Variants in CDH18 observed in about 807,000 individuals in gnomAD.
CDH18 encodes cadherin 18.
A neutral mutation model predicts 67.9 loss-of-function variants in CDH18; 31 were observed. The ratio of observed to expected loss-of-function variants is 0.46; its 90% CI spans 0.34 to 0.62. CDH18 has a LOEUF of 0.62. CDH18 is among the 20% of genes least tolerant of loss of function. CDH18 has a pLI of 0.01. For missense variants in CDH18, 890 were observed against 975.5 expected (o/e 0.91, Z 1.17); for synonymous variants, 362 against 347.2 (o/e 1.04, Z -0.48).
intron 5 of CDH18, among the ~76,000 whole-genome samples, chr5:19,716,894 CTG>C (rs1228334721): frequency 6.6e-6 from 1 of 151,866 alleles, no homozygotes; most frequent in Non-Finnish European, 1.5e-5. Context: ...TATGTAAAGA[CTG>C]TATGAAAAAT....
At chr5:20,352,362 T>C (rs1181238837) in intron 1 of CDH18, among the ~76,000 whole-genome samples, 2 of 152,044 alleles carry the variant, frequency 1.3e-5, no homozygotes, top group Non-Finnish European at 2.9e-5. Flanking sequence ...ATACAGTTAT[T>C]CTGGGGGGAA....
chr5:20,505,824 T>G (rs930719802), intron 1 of CDH18, among the ~76,000 whole-genome samples: 2 of 152,140 alleles, frequency 1.3e-5, no homozygotes, highest in Non-Finnish European at 2.9e-5. Flanking sequence ...AATAATCAGG[T>G]TATCTGCCCT....
intron 1 of CDH18, among the ~76,000 whole-genome samples, chr5:20,526,877 G>C (rs946641643): frequency 2.0e-5 from 3 of 152,038 alleles, no homozygotes; most frequent in Non-Finnish European, 2.9e-5. Flanking sequence ...TCCTCCAAAT[G>C]ATTGCAACAC....
chr5:19,850,344 A>G (rs1314354407), intron 2 of CDH18, among the ~76,000 whole-genome samples: 1 of 151,922 alleles, frequency 6.6e-6, no homozygotes, highest in East Asian at 1.9e-4. Flanking sequence ...CTAGTATACA[A>G]TCTTAAAATT....
intron 8 of CDH18, among the ~76,000 whole-genome samples, chr5:19,551,494 G>A (rs1008926799): frequency 4.6e-5 from 7 of 152,074 alleles, no homozygotes; most frequent in African/African-American, 1.7e-4. Context: ...TAGTCTCTCT[G>A]AGCTGTCTCC....
intron 9 of CDH18, among the ~76,000 whole-genome samples, chr5:19,528,772 C>A (rs946361421): frequency 6.6e-6 from 1 of 151,934 alleles, no homozygotes; most frequent in Non-Finnish European, 1.5e-5. Flanking sequence ...ATAAAATTAC[C>A]TGAGATTTTA....
rs187024997 is a variant in CDH18 at position 19,948,898 on chromosome 5, T to G, written c.-257+32162A>C. ...GAGTTTGCTCAAGAACTCAAGCAAG[T>G]TAAGGAAAGCTAGTGTATTAGGAAA... is the stretch of plus-strand genomic sequence containing the variant. On this transcript the variant is annotated intron_variant, in intron 2 of 12. Coordinates refer to ENST00000382275, the MANE Select transcript of CDH18 (RefSeq NM_004934.5). Among the ~76,000 whole-genome samples the G allele has an allele frequency of 7.4e-4, 112 of 152,260 alleles. 1 individual carries two copies. The highest frequency in any genetic ancestry group is 2.5e-3 in the African/African-American group (102 of 41,560).
At chr5:19,734,542 AT>A (rs1768043971) in intron 4 of CDH18, among the ~76,000 whole-genome samples, 2 of 152,184 alleles carry the variant, frequency 1.3e-5, no homozygotes, top group Admixed American at 6.5e-5. Flanking sequence ...GAATAAAAAT[AT>A]TTTTTCTCGG....
chr5:20,390,400 C>T (rs1744739365), intron 1 of CDH18, among the ~76,000 whole-genome samples: 1 of 152,180 alleles, frequency 6.6e-6, no homozygotes, highest in African/African-American at 2.4e-5. Context: ...CTCATCATCA[C>T]TGGCCATCAA....
intron 1 of CDH18, among the ~76,000 whole-genome samples, chr5:20,491,658 A>G (rs542521244): frequency 1.3e-5 from 2 of 152,322 alleles, no homozygotes; most frequent in African/African-American, 4.8e-5. Context: ...CAAGGAGATC[A>G]GGATTTTGTA....
intron 10 of CDH18, among the ~76,000 whole-genome samples, chr5:19,515,422 A>G (rs551856188): frequency 7.9e-5 from 12 of 151,668 alleles, no homozygotes; most frequent in African/African-American, 2.9e-4. Flanking sequence ...CATTGAATCT[A>G]TAAATTACCT....
chr5:19,667,458 C>A (rs1192999982), intron 5 of CDH18, among the ~76,000 whole-genome samples: 2 of 148,456 alleles, frequency 1.3e-5, no homozygotes, highest in Admixed American at 6.8e-5. Flanking sequence ...TAATTAATTT[C>A]ATGAGACTTA....
Position 19,471,546 on chromosome 5 carries a change from T to C in CDH18, c.*1680A>G, listed in dbSNP as rs1156715363. ...AAAAACTCCGGTGTCAACTAATTCC[T>C]ATTTCATGTATTTAAGAATTTCAAT... On this transcript the variant is annotated 3_prime_UTR_variant, in exon 13 of 13. Coordinates refer to ENST00000382275, the MANE Select transcript of CDH18 (RefSeq NM_004934.5). Among the ~76,000 whole-genome samples, 1 of 152,166 alleles carries C rather than the reference T, an allele frequency of 6.6e-6. No homozygotes were observed. The highest frequency in any genetic ancestry group is 1.5e-5 in the Non-Finnish European group (1 of 68,032).
At chr5:20,189,818 T>G (rs1005666502) in intron 2 of CDH18, among the ~76,000 whole-genome samples, 5 of 152,172 alleles carry the variant, frequency 3.3e-5, no homozygotes, top group Admixed American at 3.3e-4. Flanking sequence ...GTGTCAACTA[T>G]GCCAGTTATT....
rs1554106552 is a variant in CDH18 at position 20,241,905 on chromosome 5, T to TAA, written c.-518+13538_-518+13539insTT. ...ATATATATATATGTATATATATATATATATTGCTTAGTCAGAGGCACTGTG... is the reference window on the plus strand; with the variant it reads ...ATATATATATATGTATATATATATATAAATATTGCTTAGTCAGAGGCACTGTG... On this transcript the variant is annotated intron_variant, in intron 2 of 14. Coordinates refer to the CDH18 transcript ENST00000507958. Among the ~76,000 whole-genome samples, 1,104 of 140,786 alleles carry TAA rather than the reference T, an allele frequency of 7.8e-3. 14 individuals are homozygous for TAA. Among genetic ancestry groups the TAA allele is most frequent in the African/African-American group, 0.028 (995 of 35,350 alleles). The allele number at this position is 140,786 out of a possible 152,430, so 92.4% of individuals were successfully genotyped here. A position where few individuals can be genotyped will look rare whatever the true frequency, so the allele number is the denominator to read the frequency against.
intron 5 of CDH18, among the ~76,000 whole-genome samples, chr5:19,673,430 T>C (rs761129993): frequency 2.0e-5 from 3 of 152,044 alleles, no homozygotes; most frequent in Non-Finnish European, 4.4e-5. Context: ...CCAGACTTTA[T>C]CTGATTTTAA....
chr5:19,742,009 G>A (rs946960249), intron 4 of CDH18, among the ~76,000 whole-genome samples: 6 of 152,070 alleles, frequency 3.9e-5, no homozygotes, highest in African/African-American at 1.5e-4. Flanking sequence ...TAGATAATGG[G>A]TGAAATTACA....
chr5:20,449,867 C>G (rs541279697), intron 1 of CDH18, among the ~76,000 whole-genome samples: 1 of 151,846 alleles, frequency 6.6e-6, no homozygotes, highest in Non-Finnish European at 1.5e-5. Context: ...AATGAGTAAA[C>G]GTTGATAATT....
intron 2 of CDH18, among the ~76,000 whole-genome samples, chr5:20,166,115 C>T (rs1347250609): frequency 6.6e-6 from 1 of 151,978 alleles, no homozygotes; most frequent in African/African-American, 2.4e-5. Context: ...TTTTATTATA[C>T]TCCTTTACTT....
Sources: gnomAD v4.1 joint callset for allele counts (sites outside exome capture counted in the v4.1 genomes callset) on GRCh38, gnomAD v4.1.1 for gene constraint, MANE v1.5 for transcripts, NCBI Gene and HGNC (gene_info 2026-07-23, HGNC 2026-07-21) for gene names.